The following PRSS2 variants were observed in gnomAD, a reference collection of about 807,000 sequenced individuals.
PRSS2 encodes trypsin-2.
In PRSS2, 19 loss-of-function variants were observed where a neutral mutation model predicts 19.2. The observed-to-expected ratio is 0.99, with a 90% CI of 0.69 to 1.45. PRSS2 has a LOEUF of 1.45. PRSS2 is among the 40% of genes most tolerant of loss of function. PRSS2 has a pLI of 0.00. For synonymous variants in PRSS2, 107 were observed against 117.5 expected (o/e 0.91, Z 0.58); for missense variants, 288 against 294.4 (o/e 0.98, Z 0.16).
At position 142,774,534 on chromosome 7, in the gene PRSS2, A is replaced by C; in HGVS notation, c.*26A>C. The C allele has an allele frequency of 6.3e-7, 1 of 1,599,842 alleles. No individual in the cohort carries two copies. The highest frequency in any genetic ancestry group is 1.7e-4 in the Middle Eastern group (1 of 6,022). ...AGCCCCTGGTCCCTCTGCAGTCTCT[A>C]TACCAATAAAGTGACCCTGCTCTCA... On this transcript the variant is annotated 3_prime_UTR_variant, in exon 5 of 5. Coordinates refer to ENST00000539842, the MANE Select transcript of PRSS2 (RefSeq NM_002770.4).
At chr7:142,771,224 A>G (rs1799852445) in intron 1 of PRSS2, among the ~76,000 whole-genome samples, 1 of 152,040 alleles carries the variant, frequency 6.6e-6, no homozygotes, top group Non-Finnish European at 1.5e-5. Flanking sequence ...CACCGCTGTT[A>G]TTCATCCATA....
At chr7:142,773,878 A>T (rs751242152) in intron 3 of PRSS2, 41 bp from the exon 4 acceptor site, 1 of 1,495,188 alleles carries the variant, frequency 6.7e-7, no homozygotes, top group African/African-American at 1.5e-5. Context: ...TCTCTGGCCT[A>T]ACCCACATTT....
At position 142,772,177 on chromosome 7, in the gene PRSS2, T is replaced by C. The variant is rs745996720; in HGVS notation, c.169T>C (p.Trp57Arg). The C allele has an allele frequency of 5.0e-5, 80 of 1,613,834 alleles. No individual in the cohort carries two copies. The highest frequency in any genetic ancestry group is 6.7e-5 in the Non-Finnish European group (79 of 1,179,744). Residue 57 changes from tryptophan to arginine, a missense_variant, in exon 2 of 5, where the codon TGG becomes CGG. By Grantham distance (101) the Trp-to-Arg change is moderately radical (BLOSUM62 -3). Coordinates refer to ENST00000539842, the MANE Select transcript of PRSS2 (RefSeq NM_002770.4). ...CGGTGGCTCCCTCATCAGCGAACAGTGGGTGGTGTCAGCAGGTCACTGCTA... is the reference window on the plus strand; with the variant it reads ...CGGTGGCTCCCTCATCAGCGAACAGCGGGTGGTGTCAGCAGGTCACTGCTA... ...FCGGSLISEQ[W>R]VVSAGHCYKS...
chr7:142,773,967 A>G lies in PRSS2; in HGVS notation c.503A>G (p.Gln168Arg). 6.2e-7 allele frequency: 1 copy of G among 1,612,750 alleles called. No individual in the cohort carries two copies. The highest frequency in any genetic ancestry group is 1.3e-5 in the African/African-American group (1 of 75,054). Residue 168 changes from glutamine to arginine, a missense_variant, in exon 4 of 5, where the codon CAG (glutamine) becomes CGG (arginine). By Grantham distance (43) the Gln-to-Arg change is conservative. Coordinates refer to ENST00000539842, the MANE Select transcript of PRSS2 (RefSeq NM_002770.4). ...LQCLDAPVLS[Q>R]AECEASYPGK... Reference sequence around the variant, plus strand: ...TGCCTGGATGCTCCTGTGCTGAGCCAGGCTGAGTGTGAAGCCTCCTACCCT... The same window carrying G: ...TGCCTGGATGCTCCTGTGCTGAGCCGGGCTGAGTGTGAAGCCTCCTACCCT...
chr7:142,771,688 C>A (rs1431079259), intron 1 of PRSS2, among the ~76,000 whole-genome samples: 1 of 151,594 alleles, frequency 6.6e-6, no homozygotes, highest in African/African-American at 2.4e-5. Context: ...CAATCCGGGG[C>A]TTAAATAACC....
intron 2 of PRSS2, chr7:142,772,506 T>A (rs1035353547): frequency 2.2e-5 from 14 of 639,666 alleles, no homozygotes; most frequent in African/African-American, 4.2e-5. Context: ...TAGCTACACA[T>A]TAAAGCCACC....
intron 1 of PRSS2, among the ~76,000 whole-genome samples, chr7:142,771,475 T>A (rs1260677005): frequency 6.6e-6 from 1 of 152,248 alleles, no homozygotes; most frequent in Non-Finnish European, 1.5e-5. Flanking sequence ...CCCAGGTGAT[T>A]TTTAACATTT....
chr7:142,773,830 G>A (rs1338138808), intron 3 of PRSS2, 89 bp from the exon 4 acceptor site: 15 of 1,518,502 alleles, frequency 9.9e-6, no homozygotes, highest in Non-Finnish European at 1.4e-5. Flanking sequence ...CAGGGGCAGT[G>A]TTCCTCTTCA....
At chr7:142,773,863 C>T (rs1265303751) in intron 3 of PRSS2, 56 bp from the exon 4 acceptor site, 2 of 1,563,818 alleles carry the variant, frequency 1.3e-6, no homozygotes, top group Admixed American at 1.7e-5. Context: ...AGACTATTGT[C>T]TCTTTCTCTG....
intron 1 of PRSS2, among the ~76,000 whole-genome samples, 157 bp from the exon 2 acceptor site, chr7:142,771,892 A>G (rs1287371783): frequency 1.3e-5 from 2 of 152,208 alleles, no homozygotes; most frequent in African/African-American, 2.4e-5. Flanking sequence ...TGGGAGCCAC[A>G]TCCAGTGATG....
At chr7:142,772,022 C>T (rs1583110731) in intron 1 of PRSS2, 27 bp from the exon 2 acceptor site, 24 of 1,613,850 alleles carry the variant, frequency 1.5e-5, no homozygotes, top group Admixed American at 6.7e-5. Flanking sequence ...TACTGACTTG[C>T]CTTCTCCCTT....
In PRSS2 at chr7:142,772,122, G is replaced by A; in HGVS notation, c.114G>A (p.Gln38=). 2 of 1,613,850 alleles carry A rather than the reference G, an allele frequency of 1.2e-6. No individual in the cohort carries two copies. Among genetic ancestry groups the A allele is most frequent in the Non-Finnish European group, 8.5e-7 (1 of 1,179,724 alleles). Residue 38 remains glutamine (Q), a synonymous_variant, in exon 2 of 5, where the codon CAG becomes CAA. Coordinates refer to ENST00000539842, the MANE Select transcript of PRSS2 (RefSeq NM_002770.4). ...YICEENSVPY[Q]VSLNSGYHFC... Reference sequence around the variant, plus strand: ...GTGAGGAGAATTCTGTCCCCTACCAGGTGTCCTTGAATTCTGGCTACCACT... The same window carrying A: ...GTGAGGAGAATTCTGTCCCCTACCAAGTGTCCTTGAATTCTGGCTACCACT...
Position 142,772,098 on chromosome 7 carries a change from T to C in PRSS2, c.90T>C (p.Cys30=). Reference sequence around the variant, plus strand: ...ACAAGATCGTTGGGGGCTACATCTGTGAGGAGAATTCTGTCCCCTACCAGG... The same window carrying C: ...ACAAGATCGTTGGGGGCTACATCTGCGAGGAGAATTCTGTCCCCTACCAGG... ...DDDKIVGGYI[C]EENSVPYQVS... The change falls in exon 2 of 5, where the codon TGT becomes TGC. Residue 30 remains cysteine, a synonymous_variant. Transcript: ENST00000539842. 6.2e-7 allele frequency: 1 copy of C among 1,613,776 alleles called. No individual in the cohort carries two copies. Among genetic ancestry groups the C allele is most frequent in the Non-Finnish European group, 8.5e-7 (1 of 1,179,666 alleles).
rs558768984 is a variant in PRSS2 at position 142,772,209 on chromosome 7, G to C, written c.200+1G>C. 2.1e-4 allele frequency: 323 copies of C among 1,555,122 alleles called. No individual in the cohort carries two copies. The highest frequency in any genetic ancestry group is 2.7e-4 in the Non-Finnish European group (310 of 1,143,332). ...TGTCAGCAGGTCACTGCTACAAGTC[G>C]TAAGTGTGGGGCCCCTGACTGCAAA... On this transcript the variant is annotated splice_donor_variant, in intron 2 of 4. Coordinates refer to ENST00000539842, the MANE Select transcript of PRSS2 (RefSeq NM_002770.4). LOFTEE classifies it high-confidence loss of function.
At position 142,771,048 on chromosome 7, in the gene PRSS2, C is replaced by A. The variant is rs539069956; in HGVS notation, c.40+26C>A. 1.5e-5 allele frequency: 8 copies of A among 549,604 alleles called. No individual in the cohort carries two copies. In the African/African-American group the frequency reaches 1.7e-4, roughly 12 times the overall value. 34.0% of individuals were successfully genotyped at this position (549,604 alleles called of 1,614,324 possible). On this transcript the variant is annotated intron_variant, in intron 1 of 4. Transcript: ENST00000539842. The stretch of plus-strand genomic sequence containing the variant: ...GTGAGTTTCACGCCCTGCCTCAGGC[C>A]TCAACCAACCCTTCCCTGGCAGACA...
intron 2 of PRSS2, 90 bp from the exon 3 acceptor site, chr7:142,773,176 A>T: frequency 1.2e-6 from 2 of 1,611,404 alleles, no homozygotes; most frequent in Non-Finnish European, 1.7e-6. Context: ...AGAGCTGTCC[A>T]TGAGCAGGGA....
chr7:142,772,281 G>A (rs929545668), intron 2 of PRSS2, 73 bp downstream of exon 2: 2 of 1,556,134 alleles, frequency 1.3e-6, no homozygotes, highest in East Asian at 2.2e-5. Context: ...GCCCAGGGAA[G>A]TACTGAGGTT....
chr7:142,771,734 G>GC (rs1799914780), intron 1 of PRSS2, among the ~76,000 whole-genome samples: 1 of 152,068 alleles, frequency 6.6e-6, no homozygotes, highest in Non-Finnish European at 1.5e-5. Flanking sequence ...AAAGAGAGAA[G>GC]ACTTCAGTGC....
In PRSS2 at chr7:142,774,344, T is replaced by C; in HGVS notation, c.592-12T>C. The C allele has an allele frequency of 1.5e-5, 18 of 1,220,252 alleles. No individual in the cohort carries two copies. The South Asian group carries it at 2.2e-4, about 15-fold the overall frequency. The allele number at this position is 1,220,252 out of a possible 1,614,324, so 75.6% of individuals were successfully genotyped here. ...CTCTCTCTTCATACAACTTGTCCCT[T>C]CTTCCCCCCAGGGTGATTCTGGTGG... On this transcript the variant is annotated splice_polypyrimidine_tract_variant and intron_variant, in intron 4 of 4. Transcript: ENST00000539842.
Sources: gnomAD v4.1 joint callset for allele counts (sites outside exome capture counted in the v4.1 genomes callset) on GRCh38, gnomAD v4.1.1 for gene constraint, MANE v1.5 for transcripts, NCBI Gene and HGNC (gene_info 2026-07-23, HGNC 2026-07-21) for gene names.